The following CMPK2 variants were observed in gnomAD, a reference collection of about 807,000 sequenced individuals.
CMPK2 encodes the protein UMP-CMP kinase 2, mitochondrial.
A neutral mutation model predicts 33.4 loss-of-function variants in CMPK2; 32 were observed. The observed-to-expected ratio is 0.96, with a 90% CI of 0.72 to 1.29. The LOEUF (loss-of-function observed/expected upper bound fraction) is 1.29. CMPK2 is among the 50% of genes most tolerant of loss of function. The pLI, the probability that CMPK2 is intolerant of heterozygous loss-of-function variation, is 0.00. For missense variants in CMPK2, 672 were observed against 616.0 expected (o/e 1.09, Z -0.96); for synonymous variants, 299 against 275.3 (o/e 1.09, Z -0.85).
At chr2:6,859,034 A>C (rs928119462) in intron 3 of CMPK2, among the ~76,000 whole-genome samples, 2 of 152,198 alleles carry the variant, frequency 1.3e-5, no homozygotes, top group Non-Finnish European at 2.9e-5. Flanking sequence ...GGAAATGAGG[A>C]ACTTGGTGAG....
Position 6,849,105 on chromosome 2 carries a change from C to A in CMPK2, c.*745G>T. On this transcript the variant is annotated 3_prime_UTR_variant, in exon 5 of 5. Transcript: ENST00000256722. ...AATGTGCATTCTATTCAGAGCCATACTTTAGAAAAAAAGAAAAGAAATATA... is the reference window on the plus strand; with the variant it reads ...AATGTGCATTCTATTCAGAGCCATAATTTAGAAAAAAAGAAAAGAAATATA... The A allele has an allele frequency of 1.0e-6, 1 of 984,102 alleles. No individual in the cohort carries two copies. The allele number at this position is 984,102 out of a possible 1,614,324, so 61.0% of individuals were successfully genotyped here.
chr2:6,849,107 T>G lies in CMPK2; in HGVS notation c.*743A>C, dbSNP rs965930190. On this transcript the variant is annotated 3_prime_UTR_variant, in exon 5 of 5. Transcript: ENST00000256722. ...TGTGCATTCTATTCAGAGCCATACT[T>G]TAGAAAAAAAGAAAAGAAATATAAA... 7 of 984,028 alleles carry G rather than the reference T, an allele frequency of 7.1e-6. No homozygotes were observed. In the African/African-American group the frequency reaches 1.0e-4, roughly 15 times the overall value. 61.0% of individuals were successfully genotyped at this position (984,028 alleles called of 1,614,324 possible).
chr2:6,861,189 T>C lies in CMPK2; in HGVS notation c.987A>G (p.Val329=). 6.2e-7 allele frequency: 1 copy of C among 1,613,100 alleles called. No individual in the cohort carries two copies. The highest frequency in any genetic ancestry group is 8.5e-7 in the Non-Finnish European group (1 of 1,179,170). Residue 329 remains valine (V), a synonymous_variant, in exon 3 of 5, where the codon GTA becomes GTG. Transcript: ENST00000256722. The part of the protein sequence containing the change: ...AKESAKSPVI[V]DRYWHSTATY... ...CAAGGCATCTTTATACCTACCTGTC[T>C]ACAATCACAGGAGATTTGGCAGATT...
intron 1 of CMPK2, among the ~76,000 whole-genome samples, chr2:6,863,815 C>A (rs1467577814): frequency 6.6e-6 from 1 of 152,224 alleles, no homozygotes; most frequent in Non-Finnish European, 1.5e-5. Flanking sequence ...TGGTGGCCTG[C>A]AGCCTTCACT....
At chr2:6,864,897 T>C in intron 1 of CMPK2, 125 bp downstream of exon 1, 2 of 1,286,942 alleles carry the variant, frequency 1.6e-6, no homozygotes, top group African/African-American at 1.6e-5. Flanking sequence ...CTACCTGATT[T>C]GTGAACGGAA....
intron 2 of CMPK2, among the ~76,000 whole-genome samples, chr2:6,862,870 A>G (rs768882391): frequency 5.3e-5 from 8 of 152,178 alleles, no homozygotes; most frequent in Non-Finnish European, 8.8e-5. Flanking sequence ...CTCCAACATC[A>G]ACCCTCTCCT....
At chr2:6,842,570 G>A (rs1381615279) in intron 3 of CMPK2, among the ~76,000 whole-genome samples, 2 of 152,212 alleles carry the variant, frequency 1.3e-5, no homozygotes, top group Non-Finnish European at 2.9e-5. Context: ...GACTCCCAAA[G>A]CTATCCCCTT....
intron 3 of CMPK2, among the ~76,000 whole-genome samples, chr2:6,856,558 T>C (rs1662709272): frequency 6.6e-6 from 1 of 152,230 alleles, no homozygotes; most frequent in African/African-American, 2.4e-5. Context: ...ATTGCTTATG[T>C]TTACAAAAAT....
At chr2:6,850,605 G>T in intron 4 of CMPK2, 1 of 352,012 alleles carries the variant, frequency 2.8e-6, no homozygotes, top group Non-Finnish European at 4.0e-6. Flanking sequence ...TCTCCTCTCT[G>T]TGTCTCAGTT....
intron 3 of CMPK2, chr2:6,840,697 A>G (rs1311894116): frequency 1.6e-5 from 11 of 701,710 alleles, no homozygotes; most frequent in Non-Finnish European, 2.3e-5. Flanking sequence ...GGGAAAAGAG[A>G]GGAAAAATCC....
chr2:6,851,810 T>A, intron 3 of CMPK2, 127 bp from the exon 4 acceptor site: 1 of 665,966 alleles, frequency 1.5e-6, no homozygotes, highest in Non-Finnish European at 2.5e-6. Flanking sequence ...TTGCATAAGT[T>A]AAATAAAATT....
At chr2:6,848,225 C>T (rs1332046245), downstream of CMPK2, 1 of 488,174 alleles carries the variant, frequency 2.0e-6, no homozygotes, top group Non-Finnish European at 2.7e-6. Context: ...ACTTCCTTTA[C>T]CAAAATTTCC....
chr2:6,851,888 C>T (rs952107692), intron 3 of CMPK2, among the ~76,000 whole-genome samples: 7 of 152,186 alleles, frequency 4.6e-5, no homozygotes, highest in Non-Finnish European at 7.3e-5. Context: ...AGTAATAATG[C>T]AGTGTGTTCT....
chr2:6,861,539 A>T (rs1662882799), intron 2 of CMPK2, among the ~76,000 whole-genome samples, 154 bp from the exon 3 acceptor site: 1 of 152,248 alleles, frequency 6.6e-6, no homozygotes, highest in African/African-American at 2.4e-5. Flanking sequence ...ATAGGAAGTT[A>T]GGATTTCTCC....
At position 6,851,573 on chromosome 2, in the gene CMPK2, T is replaced by C; in HGVS notation, c.1103A>G (p.Lys368Arg). ...PVYQWPEDLL[K>R]PDLILLLTVS... The stretch of plus-strand genomic sequence containing the variant: ...AGTGAGCAGCAGGATAAGGTCAGGT[T>C]TGAGCAGGTCCTCTGGCCACTGGTA... Residue 368 changes from lysine to arginine, a missense_variant, in exon 4 of 5, where the codon AAA (lysine) becomes AGA (arginine). Transcript: ENST00000256722. 1 of 1,614,152 alleles carries C rather than the reference T, an allele frequency of 6.2e-7. No individual in the cohort carries two copies. Among genetic ancestry groups the C allele is most frequent in the Non-Finnish European group, 8.5e-7 (1 of 1,180,018 alleles).
rs530094818 is a variant in CMPK2 at position 6,860,234 on chromosome 2, G to A, written c.992+950C>T. ...CTCATAGGTGGAAGAGACTTACCTT[G>A]TCTCAGATGAGACTTTGGCTGTGGA... On this transcript the variant is annotated intron_variant, in intron 3 of 4. Transcript: ENST00000256722. 5.9e-5 allele frequency among the ~76,000 whole-genome samples: 9 copies of A among 152,308 alleles called. No homozygotes were observed. The South Asian group carries it at 1.9e-3, about 32-fold the overall frequency.
At chr2:6,840,615 C>T in exon 4 of CMPK2, 2 of 702,254 alleles carry the variant, frequency 2.8e-6, no homozygotes, top group Non-Finnish European at 5.2e-6. Context: ...AGATTCCAGT[C>T]CCACAAACTT....
chr2:6,854,878 A>C (rs10206379), intron 3 of CMPK2, among the ~76,000 whole-genome samples: 5,092 of 152,174 alleles, frequency 0.033, 116 homozygotes, highest in Non-Finnish European at 0.053. Flanking sequence ...AACAGATCAG[A>C]AAACTGGGGG....
chr2:6,849,011 A>G lies in CMPK2; in HGVS notation c.*839T>C, dbSNP rs1662432910. On this transcript the variant is annotated 3_prime_UTR_variant, in exon 5 of 5. Coordinates refer to ENST00000256722, the MANE Select transcript of CMPK2 (RefSeq NM_207315.4). ...ATCATAGCTCCTATGCTGAGGAAACATATTATGTATAGATTAATATAAATA... is the reference window on the plus strand; with the variant it reads ...ATCATAGCTCCTATGCTGAGGAAACGTATTATGTATAGATTAATATAAATA... 6 of 983,368 alleles carry G rather than the reference A, an allele frequency of 6.1e-6. No homozygotes were observed. Among genetic ancestry groups the G allele is most frequent in the Non-Finnish European group, 4.8e-6 (4 of 827,640 alleles). The allele number at this position is 983,368 out of a possible 1,614,324, so 60.9% of individuals were successfully genotyped here. A position where few individuals can be genotyped will look rare whatever the true frequency, so the allele number is the denominator to read the frequency against.
Sources: gnomAD v4.1 joint callset for allele counts (sites outside exome capture counted in the v4.1 genomes callset) on GRCh38, gnomAD v4.1.1 for gene constraint, MANE v1.5 for transcripts, NCBI Gene and HGNC (gene_info 2026-07-23, HGNC 2026-07-21) for gene names.